The following ACBD6 variants were observed in gnomAD, a reference collection of about 807,000 sequenced individuals.
The protein encoded by ACBD6 is acyl-CoA-binding domain-containing protein 6.
In ACBD6, 28 loss-of-function variants were observed where a neutral mutation model predicts 37.2. The observed-to-expected ratio is 0.75, with a 90% confidence interval of 0.56 to 1.03. The LOEUF is 1.03. Among genes scored for constraint, ACBD6 ranks in the 50% least tolerant of loss-of-function variants. ACBD6 has a pLI of 0.00. For synonymous variants in ACBD6, 113 were observed against 126.8 expected (o/e 0.89, Z 0.73); for missense variants, 340 against 337.4 (o/e 1.01, Z -0.06).
intron 7 of ACBD6, among the ~76,000 whole-genome samples, chr1:180,308,144 T>G (rs1650456768): frequency 6.6e-6 from 1 of 152,220 alleles, no homozygotes; most frequent in Admixed American, 6.5e-5. Context: ...TTTCTGTATT[T>G]TTTTAATTTA....
At chr1:180,427,719 C>T (rs1034197580) in intron 4 of ACBD6, among the ~76,000 whole-genome samples, 3 of 151,996 alleles carry the variant, frequency 2.0e-5, no homozygotes, top group South Asian at 2.1e-4. Context: ...GTCAAGAGAT[C>T]GAGACCATCC....
chr1:180,404,989 C>G (rs944794564), intron 5 of ACBD6, among the ~76,000 whole-genome samples: 1 of 152,078 alleles, frequency 6.6e-6, no homozygotes, highest in Non-Finnish European at 1.5e-5. Context: ...TGCAAATAAG[C>G]GTAATAGACA....
At chr1:180,329,542 CTT>C (rs201404598) in intron 6 of ACBD6, among the ~76,000 whole-genome samples, 4,035 of 152,170 alleles carry the variant, frequency 0.027, 154 homozygotes, top group African/African-American at 0.068. Flanking sequence ...TTGTAGAAAG[CTT>C]TATTATAGAT....
At chr1:180,459,400 A>G (rs1205177920) in intron 3 of ACBD6, among the ~76,000 whole-genome samples, 7 of 152,196 alleles carry the variant, frequency 4.6e-5, no homozygotes, top group Non-Finnish European at 1.0e-4. Flanking sequence ...GAAATATTCA[A>G]TTCTAGCATA....
intron 6 of ACBD6, among the ~76,000 whole-genome samples, chr1:180,390,469 T>C (rs901015147): frequency 2.6e-5 from 4 of 152,108 alleles, no homozygotes; most frequent in African/African-American, 7.2e-5. Flanking sequence ...TGGCTTAGGA[T>C]TGACTTGGAG....
intron 4 of ACBD6, among the ~76,000 whole-genome samples, chr1:180,417,525 T>A (rs931267900): frequency 6.6e-6 from 1 of 152,214 alleles, no homozygotes; most frequent in African/African-American, 2.4e-5. Flanking sequence ...AATAATCATT[T>A]AACTATTAAT....
At chr1:180,289,802 A>AAAC (rs1649631252) in intron 7 of ACBD6, among the ~76,000 whole-genome samples, 1 of 152,248 alleles carries the variant, frequency 6.6e-6, no homozygotes, top group Admixed American at 6.5e-5. Context: ...GAAGGGAAAA[A>AAAC]AACAAGTGAG....
intron 6 of ACBD6, among the ~76,000 whole-genome samples, chr1:180,377,073 A>G (rs1416450941): frequency 6.6e-6 from 1 of 152,200 alleles, no homozygotes; most frequent in East Asian, 1.9e-4. Flanking sequence ...CAGAGGTATG[A>G]GTTAACAATT....
chr1:180,499,830 C>T (rs1051373721), intron 1 of ACBD6, among the ~76,000 whole-genome samples: 8 of 152,056 alleles, frequency 5.3e-5, no homozygotes, highest in African/African-American at 1.9e-4. Flanking sequence ...AATTTTCATT[C>T]GACACTATAA....
At position 180,297,758 on chromosome 1, in the gene ACBD6, G is replaced by A. The variant is rs1649980601; in HGVS notation, c.695-9241C>T. 1.3e-5 allele frequency among the ~76,000 whole-genome samples: 2 copies of A among 152,058 alleles called. 1 individual carries two copies. Among genetic ancestry groups the A allele is most frequent in the South Asian group, 4.2e-4 (2 of 4,816 alleles). On this transcript the variant is annotated intron_variant, in intron 7 of 7. Transcript: ENST00000367595. ...AATTTTATCATTATTATCATTTTTT[G>A]AGATGGAGTCTTACTCTTGTCGCCC...
chr1:180,318,160 T>TCC (rs1392036622), intron 6 of ACBD6, among the ~76,000 whole-genome samples: 26 of 26,124 alleles, frequency 1.0e-3, no homozygotes, highest in South Asian at 1.5e-3. Flanking sequence ...AGATTCCATC[T>TCC]CCGCCCCCCC....
intron 4 of ACBD6, among the ~76,000 whole-genome samples, chr1:180,428,872 G>C (rs528714045): frequency 9.9e-5 from 15 of 152,162 alleles, no homozygotes; most frequent in Admixed American, 2.0e-4. Context: ...TATTGCTTAA[G>C]AGAAAGAGGT....
Position 180,288,267 on chromosome 1 carries a change from T to C in ACBD6, c.*96A>G, listed in dbSNP as rs910733191. 11 of 1,552,384 alleles carry C rather than the reference T, an allele frequency of 7.1e-6. No individual in the cohort carries two copies. Among genetic ancestry groups the C allele is most frequent in the South Asian group, 1.1e-5 (1 of 87,238 alleles). On this transcript the variant is annotated 3_prime_UTR_variant, in exon 8 of 8. Coordinates refer to ENST00000367595, the MANE Select transcript of ACBD6 (RefSeq NM_032360.4). ...AGAACTGATTTTATTAGCCAATACA[T>C]ACCAAAGACGGGTGGAAAAGAAGTA...
chr1:180,362,903 G>A (rs940268769), intron 6 of ACBD6, among the ~76,000 whole-genome samples: 5 of 152,298 alleles, frequency 3.3e-5, no homozygotes, highest in Middle Eastern at 3.4e-3. Context: ...TGTTGGCATA[G>A]AACCTATGCT....
At chr1:180,286,213 T>C (rs939139801), downstream of ACBD6, among the ~76,000 whole-genome samples, 1 of 152,188 alleles carries the variant, frequency 6.6e-6, no homozygotes, top group African/African-American at 2.4e-5. Context: ...TAGAATGTAT[T>C]TGAAAATGTT....
intron 5 of ACBD6, among the ~76,000 whole-genome samples, chr1:180,406,726 C>T (rs1430203392): frequency 1.3e-5 from 2 of 152,170 alleles, no homozygotes; most frequent in Non-Finnish European, 2.9e-5. Flanking sequence ...ATAAACATGA[C>T]TTTTAGTCAT....
rs1320121590 is a variant in ACBD6, at chr1:180,274,587, T to C, written c.*936+64A>G. ...GATCATCCTCCTTTTTAAACTTCTC[T>C]CCTCCCCACCCTACCTGCCCCCCTG... On this transcript the variant is annotated intron_variant, in intron 10 of 13. Coordinates refer to the ACBD6 transcript ENST00000642319. 1.9e-6 allele frequency: 3 copies of C among 1,556,830 alleles called. No homozygotes were observed.
At chr1:180,330,445 C>A (rs1213586028) in intron 6 of ACBD6, among the ~76,000 whole-genome samples, 6 of 150,026 alleles carry the variant, frequency 4.0e-5, no homozygotes, top group Non-Finnish European at 8.9e-5. Context: ...AACAAACAAA[C>A]AAAAAAACCA....
chr1:180,361,093 T>A (rs1487527993), intron 6 of ACBD6, among the ~76,000 whole-genome samples: 1 of 152,150 alleles, frequency 6.6e-6, no homozygotes, highest in East Asian at 1.9e-4. Context: ...CAAGCCTTTT[T>A]TATTTATCCC....
Sources: gnomAD v4.1 joint callset for allele counts (sites outside exome capture counted in the v4.1 genomes callset) on GRCh38, gnomAD v4.1.1 for gene constraint, MANE v1.5 for transcripts, NCBI Gene and HGNC (gene_info 2026-07-23, HGNC 2026-07-21) for gene names.